Variants in OCM observed in about 807,000 individuals in gnomAD.
The protein encoded by OCM is oncomodulin-1.
A neutral mutation model predicts 14.1 loss-of-function variants in OCM; 18 were observed. That is an observed-to-expected ratio of 1.28 (90% CI 0.88 to 1.89). The LOEUF (loss-of-function observed/expected upper bound fraction) is 1.89, where lower values mean the gene tolerates loss of function less well. Ranked by LOEUF, OCM falls within the 40% of genes most tolerant of loss-of-function variation. OCM has a pLI of 0.00. For missense variants in OCM, 140 were observed against 137.6 expected (o/e 1.02, Z -0.09); for synonymous variants, 48 against 51.0 (o/e 0.94, Z 0.25).
At chr7:5,881,211 C>T (rs537548325) in intron 1 of OCM, among the ~76,000 whole-genome samples, 6 of 150,942 alleles carry the variant, frequency 4.0e-5, no homozygotes, top group Non-Finnish European at 5.9e-5. Flanking sequence ...CCCAGCTACT[C>T]GGGAGGCTGA....
At chr7:5,873,300 C>G in the OCM span, among the ~76,000 whole-genome samples, 3 of 152,072 alleles carry the variant, frequency 2.0e-5, no homozygotes, top group Admixed American at 2.0e-4. Context: ...TCGCTTGAAT[C>G]TGGGAGGTAG....
chr7:5,873,730 C>T, the OCM span, among the ~76,000 whole-genome samples: 1 of 152,042 alleles, frequency 6.6e-6, no homozygotes, highest in Non-Finnish European at 1.5e-5. Flanking sequence ...CAGTTGTTTC[C>T]ATTCCCAAAA....
upstream of OCM, among the ~76,000 whole-genome samples, chr7:5,878,766 A>G (rs10224044): frequency 0.2 from 30,008 of 150,552 alleles, 3,736 homozygotes; most frequent in African/African-American, 0.34. Flanking sequence ...AAAAAAAAAA[A>G]TGGTTAAGAT....
At chr7:5,867,986 C>T in the OCM span, among the ~76,000 whole-genome samples, 1 of 152,028 alleles carries the variant, frequency 6.6e-6, no homozygotes, top group East Asian at 1.9e-4. Context: ...GATCCACCCA[C>T]CTCAGCCTCC....
upstream of OCM, among the ~76,000 whole-genome samples, chr7:5,876,091 A>G (rs6943745): frequency 0.76 from 115,744 of 151,898 alleles, 44,918 homozygotes; most frequent in African/African-American, 0.91. Context: ...TGCAACCTCC[A>G]CCTCCCAGGT....
the OCM span, among the ~76,000 whole-genome samples, chr7:5,863,898 G>T: frequency 3.3e-5 from 5 of 152,190 alleles, no homozygotes; most frequent in South Asian, 2.1e-4. Context: ...GGAGAGGGCC[G>T]ATGTTGTCTA....
At chr7:5,863,330 C>A in the OCM span, among the ~76,000 whole-genome samples, 1 of 152,038 alleles carries the variant, frequency 6.6e-6, no homozygotes, top group African/African-American at 2.4e-5. Context: ...GCTGCATCAA[C>A]CTCAGTCAAT....
At chr7:5,874,223 CAAAAAAAAAAAA>C in the OCM span, among the ~76,000 whole-genome samples, 3 of 31,470 alleles carry the variant, frequency 9.5e-5, no homozygotes, top group East Asian at 2.0e-3. Context: ...GACTCTGTCT[CAAAAAAAAAAAA>C]AAAAAAAAAA....
At chr7:5,882,099 A>AAAG (rs1198778916) in intron 1 of OCM, among the ~76,000 whole-genome samples, 3 of 147,150 alleles carry the variant, frequency 2.0e-5, no homozygotes, top group Admixed American at 1.4e-4. Context: ...AAAAAAAAAA[A>AAAG]AAAAAAAAAA....
chr7:5,867,960 A>C, the OCM span, among the ~76,000 whole-genome samples: 2 of 151,332 alleles, frequency 1.3e-5, no homozygotes, highest in Non-Finnish European at 2.9e-5. Flanking sequence ...CTGGTCTCAA[A>C]CTCCTGAGCT....
the OCM span, among the ~76,000 whole-genome samples, chr7:5,866,056 C>T: frequency 3.6e-3 from 551 of 151,780 alleles, 2 homozygotes; most frequent in South Asian, 0.011. Context: ...TGCACTGGCT[C>T]GTGCCTGCAA....
At chr7:5,863,129 G>T in the OCM span, among the ~76,000 whole-genome samples, 1 of 152,188 alleles carries the variant, frequency 6.6e-6, no homozygotes, top group Admixed American at 6.6e-5. Flanking sequence ...CATGTAAAAT[G>T]TAGATTTATT....
the OCM span, among the ~76,000 whole-genome samples, chr7:5,866,977 G>A: frequency 5.3e-5 from 8 of 152,200 alleles, no homozygotes; most frequent in South Asian, 1.0e-3. Context: ...AATATGTGGT[G>A]GATATTTTTC....
rs531869779 is a variant in OCM, at chr7:5,882,999, C to G, written c.194+374C>G. ...CTGGGATTACAGGTGCCTGCCACCA[C>G]ATCCAGCTCATTTTCATATTTAGAG... On this transcript the variant is annotated intron_variant, in intron 2 of 3. Coordinates refer to ENST00000242104, the MANE Select transcript of OCM (RefSeq NM_001097622.2). 3.9e-5 allele frequency among the ~76,000 whole-genome samples: 6 copies of G among 152,056 alleles called. No individual in the cohort carries two copies. In the South Asian group the frequency reaches 1.2e-3, roughly 32 times the overall value.
At chr7:5,879,062 A>G (rs1781156060), upstream of OCM, among the ~76,000 whole-genome samples, 1 of 151,948 alleles carries the variant, frequency 6.6e-6, no homozygotes, top group Non-Finnish European at 1.5e-5. Context: ...TTAGCCAGGC[A>G]TGGTGGTGTG....
At chr7:5,864,432 C>T in the OCM span, among the ~76,000 whole-genome samples, 7 of 152,012 alleles carry the variant, frequency 4.6e-5, no homozygotes, top group Middle Eastern at 3.4e-3. Flanking sequence ...TGCCCTCTGT[C>T]TAATGAGTTG....
upstream of OCM, among the ~76,000 whole-genome samples, chr7:5,876,862 A>G (rs1037999650): frequency 2.0e-5 from 3 of 151,252 alleles, no homozygotes; most frequent in African/African-American, 4.9e-5. Context: ...CCAGAGTGCA[A>G]TGGTGCGATC....
intron 2 of OCM, among the ~76,000 whole-genome samples, chr7:5,883,067 C>G (rs1336145802): frequency 6.6e-6 from 1 of 152,112 alleles, no homozygotes; most frequent in Non-Finnish European, 1.5e-5. Context: ...GTCTCAAACT[C>G]CTGACTTCAA....
At chr7:5,882,792 C>T (rs1241511041) in intron 2 of OCM, among the ~76,000 whole-genome samples, 167 bp downstream of exon 2, 1 of 151,824 alleles carries the variant, frequency 6.6e-6, no homozygotes, top group African/African-American at 2.4e-5. Context: ...CACATCTACC[C>T]ATGCAAAGCC....
Sources: gnomAD v4.1 joint callset for allele counts (sites outside exome capture counted in the v4.1 genomes callset) on GRCh38, gnomAD v4.1.1 for gene constraint, MANE v1.5 for transcripts, NCBI Gene and HGNC (gene_info 2026-07-23, HGNC 2026-07-21) for gene names.